Variants in DCUN1D4 observed in about 807,000 individuals in gnomAD.
DCUN1D4 encodes the protein defective in cullin neddylation 1 domain containing 4.
Under a neutral mutation model 47.9 loss-of-function variants are expected in DCUN1D4, and 22 were observed. The observed-to-expected ratio is 0.46, with a 90% CI of 0.33 to 0.66. DCUN1D4 has a LOEUF of 0.66. Ranked by LOEUF, DCUN1D4 falls within the 30% of genes least tolerant of loss-of-function variation. The pLI, the probability that DCUN1D4 is intolerant of heterozygous loss-of-function variation, is 0.02. For synonymous variants in DCUN1D4, 121 were observed against 112.2 expected, an observed-to-expected ratio of 1.08 and a Z score of -0.50; for missense variants, 301 against 340.8, an observed-to-expected ratio of 0.88 and a Z score of 0.92.
chr4:51,846,346 T>G (rs562835001), intron 1 of DCUN1D4, among the ~76,000 whole-genome samples: 1 of 152,358 alleles, frequency 6.6e-6, no homozygotes, highest in South Asian at 2.1e-4. Context: ...TAATCTTGTC[T>G]GTAACATTGC....
chr4:51,863,930 T>C (rs1040283571), intron 3 of DCUN1D4, among the ~76,000 whole-genome samples: 10 of 152,208 alleles, frequency 6.6e-5, no homozygotes, highest in African/African-American at 2.2e-4. Context: ...TTAAAGAGGC[T>C]CGGGATTCTC....
intron 1 of DCUN1D4, among the ~76,000 whole-genome samples, chr4:51,845,853 A>G (rs1300306621): frequency 2.0e-5 from 3 of 152,140 alleles, no homozygotes; most frequent in Admixed American, 6.5e-5. Flanking sequence ...AAATTGGGCA[A>G]TGTGTGTGGT....
intron 5 of DCUN1D4, among the ~76,000 whole-genome samples, chr4:51,880,137 G>A (rs1184425161): frequency 6.6e-6 from 1 of 152,146 alleles, no homozygotes; most frequent in Non-Finnish European, 1.5e-5. Context: ...CCATTGGCAT[G>A]TGTTTTCATT....
At chr4:51,879,303 A>T (rs1468039806) in intron 5 of DCUN1D4, among the ~76,000 whole-genome samples, 1 of 152,212 alleles carries the variant, frequency 6.6e-6, no homozygotes, top group Non-Finnish European at 1.5e-5. Flanking sequence ...AACCTTTAGA[A>T]TTTCTAGTAA....
At chr4:51,882,638 G>C (rs1306517634) in intron 5 of DCUN1D4, among the ~76,000 whole-genome samples, 1 of 152,080 alleles carries the variant, frequency 6.6e-6, no homozygotes, top group Non-Finnish European at 1.5e-5. Context: ...GTGGTGGCGG[G>C]CACCTGTAGT....
At chr4:51,839,666 ACT>A (rs1721583470), upstream of DCUN1D4, among the ~76,000 whole-genome samples, 1 of 152,110 alleles carries the variant, frequency 6.6e-6, no homozygotes, top group East Asian at 1.9e-4. Context: ...AGTTCTGCCA[ACT>A]CTCTCACTGT....
chr4:51,847,275 T>C (rs1722700468), intron 1 of DCUN1D4, among the ~76,000 whole-genome samples: 1 of 152,218 alleles, frequency 6.6e-6, no homozygotes. Context: ...TTGCTAAATA[T>C]AGATAAAACC....
At chr4:51,878,032 G>C (rs1727962471) in intron 5 of DCUN1D4, 178 bp downstream of exon 5, 2 of 370,906 alleles carry the variant, frequency 5.4e-6, no homozygotes, top group Non-Finnish European at 9.7e-6. Context: ...CTATTTTATA[G>C]CCAGCAGCTA....
intron 8 of DCUN1D4, among the ~76,000 whole-genome samples, chr4:51,910,580 G>A (rs542509704): frequency 1.4e-4 from 21 of 152,198 alleles, no homozygotes; most frequent in African/African-American, 5.1e-4. Flanking sequence ...ATTCCAGCAT[G>A]TTTAGGTTCA....
chr4:51,869,952 CA>C (rs201438062), intron 3 of DCUN1D4, among the ~76,000 whole-genome samples: 2,354 of 152,154 alleles, frequency 0.015, 60 homozygotes, highest in African/African-American at 0.054. Flanking sequence ...AATCTTTGGG[CA>C]AAAATTGCAC....
chr4:51,873,154 C>A (rs1330020469), intron 3 of DCUN1D4, among the ~76,000 whole-genome samples: 1 of 152,222 alleles, frequency 6.6e-6, no homozygotes, highest in Non-Finnish European at 1.5e-5. Context: ...CTCCTGTCCT[C>A]ATCACTCCCT....
intron 1 of DCUN1D4, among the ~76,000 whole-genome samples, chr4:51,859,477 G>C (rs1211805531): frequency 6.6e-6 from 1 of 151,802 alleles, no homozygotes; most frequent in Non-Finnish European, 1.5e-5. Context: ...GAGAGTCATT[G>C]TCTGAACTTA....
intron 7 of DCUN1D4, among the ~76,000 whole-genome samples, chr4:51,894,549 A>G (rs1730940510): frequency 6.6e-6 from 1 of 152,198 alleles, no homozygotes; most frequent in Non-Finnish European, 1.5e-5. Context: ...AAGATCCAGA[A>G]GTCATAAGGT....
At chr4:51,872,591 G>T (rs943381339) in intron 3 of DCUN1D4, among the ~76,000 whole-genome samples, 2 of 152,182 alleles carry the variant, frequency 1.3e-5, no homozygotes, top group Non-Finnish European at 2.9e-5. Flanking sequence ...CACTCTCCTG[G>T]ATTTCCTTCC....
In DCUN1D4 at chr4:51,899,390, G is replaced by T; in HGVS notation, c.615+12G>T. The T allele has an allele frequency of 6.3e-7, 1 of 1,597,180 alleles. No individual in the cohort carries two copies. Among genetic ancestry groups the T allele is most frequent in the Non-Finnish European group, 8.5e-7 (1 of 1,172,182 alleles). On this transcript the variant is annotated intron_variant, in intron 8 of 10. Transcript: ENST00000334635. The stretch of plus-strand genomic sequence containing the variant: ...TTGACTTTGCACGGGTGAGTTCTCT[G>T]GAGCCTATCCAGATGTTTCCCTCTC...
chr4:51,855,351 C>T (rs1723971807), intron 1 of DCUN1D4, among the ~76,000 whole-genome samples: 1 of 152,050 alleles, frequency 6.6e-6, no homozygotes, highest in South Asian at 2.1e-4. Context: ...GAATTTTACA[C>T]TATAATGAGT....
intron 1 of DCUN1D4, among the ~76,000 whole-genome samples, chr4:51,852,908 T>C (rs935374175): frequency 2.0e-5 from 3 of 152,208 alleles, no homozygotes; most frequent in African/African-American, 7.2e-5. Flanking sequence ...TGACATTCTT[T>C]AACCAAAATC....
chr4:51,844,333 G>C, intron 1 of DCUN1D4: 1 of 984,876 alleles, frequency 1.0e-6, no homozygotes, highest in Non-Finnish European at 1.2e-6. Context: ...GGCTGAGGTG[G>C]AGGAGACGGG....
chr4:51,834,099 C>CTTTCTTTTTT, the DCUN1D4 span, among the ~76,000 whole-genome samples: 1 of 40,830 alleles, frequency 2.4e-5, no homozygotes, highest in African/African-American at 2.6e-4. Context: ...TTCTTTTCTT[C>CTTTCTTTTTT]TTTCTTTTTT....
Sources: allele counts gnomAD v4.1 joint callset (sites outside exome capture counted in the v4.1 genomes callset), GRCh38; gene constraint gnomAD v4.1.1; transcripts MANE v1.5; gene names NCBI Gene and HGNC (gene_info 2026-07-23, HGNC 2026-07-21).